Variants in B3GALT1 observed in about 807,000 individuals in gnomAD.
B3GALT1 encodes UDP-Gal:betaGlcNAc beta 1,3-galactosyltransferase, polypeptide 1.
A neutral mutation model predicts 23.2 loss-of-function variants in B3GALT1; 10 were observed. That is an observed-to-expected ratio of 0.43 (90% confidence interval 0.27 to 0.73). The LOEUF (loss-of-function observed/expected upper bound fraction) is 0.73, where lower values mean the gene tolerates loss of function less well. B3GALT1 is among the 30% of genes least tolerant of loss of function. The pLI, the probability that B3GALT1 is intolerant of heterozygous loss-of-function variation, is 0.21. For synonymous variants in B3GALT1, 156 were observed against 141.5 expected (o/e 1.10, Z -0.73); for missense variants, 299 against 405.4 (o/e 0.74, Z 2.25).
At position 167,704,025 on chromosome 2, in the gene B3GALT1, CA is replaced by C. The variant is rs540851741; in HGVS notation, c.-352+57065del. Reference sequence around the variant, plus strand: ...TGAAACCCCGTCTCTACTAAAAATACAAAAAATTAGCCGGGTGTGGTATCAG... The same window carrying C: ...TGAAACCCCGTCTCTACTAAAAATACAAAAATTAGCCGGGTGTGGTATCAG... On this transcript the variant is annotated intron_variant, in intron 3 of 4. Coordinates refer to ENST00000392690, the MANE Select transcript of B3GALT1 (RefSeq NM_020981.4). Among the ~76,000 whole-genome samples the C allele has an allele frequency of 2.3e-3, 342 of 151,802 alleles. 4 individuals are homozygous for C. In the Middle Eastern group the frequency reaches 0.024, roughly 11 times the overall value.
At chr2:167,534,360 T>C (rs1683380714) in intron 2 of B3GALT1, among the ~76,000 whole-genome samples, 1 of 152,166 alleles carries the variant, frequency 6.6e-6, no homozygotes, top group Non-Finnish European at 1.5e-5. Flanking sequence ...TTCATATCTG[T>C]TATCTAGTTC....
At chr2:167,575,950 C>A (rs1182147781) in intron 2 of B3GALT1, among the ~76,000 whole-genome samples, 1 of 151,576 alleles carries the variant, frequency 6.6e-6, no homozygotes, top group East Asian at 1.9e-4. Context: ...CACAGTTTTG[C>A]CTCTTCAACA....
intron 1 of B3GALT1, among the ~76,000 whole-genome samples, chr2:167,457,166 A>G (rs1300855822): frequency 6.6e-6 from 1 of 151,856 alleles, no homozygotes; most frequent in Non-Finnish European, 1.5e-5. Flanking sequence ...CAGTTTCATC[A>G]ACTTCTTTTT....
intron 4 of B3GALT1, among the ~76,000 whole-genome samples, chr2:167,844,590 T>A (rs1218150222): frequency 6.6e-6 from 1 of 152,174 alleles, no homozygotes; most frequent in South Asian, 2.1e-4. Context: ...CAGAAAGGCC[T>A]TGGGAGCTCG....
chr2:167,651,163 A>G (rs1685857658), intron 3 of B3GALT1, among the ~76,000 whole-genome samples: 1 of 151,800 alleles, frequency 6.6e-6, no homozygotes, highest in Non-Finnish European at 1.5e-5. Context: ...AGTCCTTCTC[A>G]TGTTGCCTTC....
chr2:167,364,338 A>ATAT lies in B3GALT1; in HGVS notation c.-511+71004_-511+71005insTAT, dbSNP rs58217518. On this transcript the variant is annotated intron_variant, in intron 1 of 4. Transcript: ENST00000392690. ...TCATACTGTTTTCATATATATATAT[A>ATAT]GTTTTTTTTTTCATTTTTTTATTAT... 8.2e-4 allele frequency among the ~76,000 whole-genome samples: 122 copies of ATAT among 149,606 alleles called. 1 individual carries two copies. Among genetic ancestry groups the ATAT allele is most frequent in the South Asian group, 2.1e-3 (10 of 4,764 alleles).
At chr2:167,564,340 G>A (rs1684104634) in intron 2 of B3GALT1, among the ~76,000 whole-genome samples, 1 of 151,276 alleles carries the variant, frequency 6.6e-6, no homozygotes, top group Non-Finnish European at 1.5e-5. Flanking sequence ...CCTCCTAGAT[G>A]GGACGGCGGC....
chr2:167,694,808 T>G (rs1234530430), intron 3 of B3GALT1, among the ~76,000 whole-genome samples: 2 of 152,160 alleles, frequency 1.3e-5, no homozygotes, highest in African/African-American at 4.8e-5. Context: ...GCAAAAAAAT[T>G]TGCAGTCTCT....
At chr2:167,619,260 C>T (rs773406392) in intron 2 of B3GALT1, among the ~76,000 whole-genome samples, 2 of 151,888 alleles carry the variant, frequency 1.3e-5, no homozygotes, top group Admixed American at 6.6e-5. Flanking sequence ...TCCCCCTGTC[C>T]CCTCCCCATT....
intron 4 of B3GALT1, among the ~76,000 whole-genome samples, chr2:167,819,034 T>C (rs1308878430): frequency 1.3e-5 from 2 of 152,184 alleles, no homozygotes; most frequent in Non-Finnish European, 2.9e-5. Flanking sequence ...CCAGGATACA[T>C]GTGTAGGACG....
At chr2:167,653,036 G>A (rs759669911) in intron 3 of B3GALT1, among the ~76,000 whole-genome samples, 15 of 152,044 alleles carry the variant, frequency 9.9e-5, no homozygotes, top group Non-Finnish European at 2.2e-4. Context: ...CACATCCTAA[G>A]GATTTGTGGA....
intron 1 of B3GALT1, among the ~76,000 whole-genome samples, chr2:167,439,919 C>T (rs1034197613): frequency 6.8e-6 from 1 of 147,504 alleles, no homozygotes; most frequent in Non-Finnish European, 1.5e-5. Context: ...AAGCAGGATA[C>T]TTCACAGCTA....
In B3GALT1 at chr2:167,870,316, A is replaced by G. The variant is rs1208152043; in HGVS notation, c.*296A>G. On this transcript the variant is annotated 3_prime_UTR_variant, in exon 5 of 5. Transcript: ENST00000392690. ...ATTGACGTACCGTGCATCTGAGATA[A>G]AAATTTGGTTCTGGGAAACTGAAAC... 4 of 253,800 alleles carry G rather than the reference A, an allele frequency of 1.6e-5. No individual in the cohort carries two copies. Among genetic ancestry groups the G allele is most frequent in the Non-Finnish European group, 2.4e-5 (3 of 124,506 alleles). 15.7% of individuals were successfully genotyped at this position (253,800 alleles called of 1,614,324 possible). A position where few individuals can be genotyped will look rare whatever the true frequency, so the allele number is the denominator to read the frequency against.
rs577932503 is a variant in B3GALT1, at chr2:167,398,096, A to T, written c.-510-92081A>T. On this transcript the variant is annotated intron_variant, in intron 1 of 4. Coordinates refer to ENST00000392690, the MANE Select transcript of B3GALT1 (RefSeq NM_020981.4). ...TGCCCCTGAATTTTAAATCCTATTC[A>T]CTGGCCTATATCTTATTATATATAA... is the stretch of plus-strand genomic sequence containing the variant. Among the ~76,000 whole-genome samples the T allele has an allele frequency of 5.3e-5, 8 of 152,270 alleles. 1 individual carries two copies. In the South Asian group the frequency reaches 1.7e-3, roughly 32 times the overall value.
At chr2:167,434,398 T>C (rs1283955392) in intron 1 of B3GALT1, among the ~76,000 whole-genome samples, 1 of 152,048 alleles carries the variant, frequency 6.6e-6, no homozygotes, top group African/African-American at 2.4e-5. Flanking sequence ...ATTGACTCAT[T>C]GCCAACTGGT....
chr2:167,485,049 A>T (rs995856439), intron 1 of B3GALT1, among the ~76,000 whole-genome samples: 37 of 152,074 alleles, frequency 2.4e-4, no homozygotes, highest in African/African-American at 8.9e-4. Context: ...CAAAGGGAAG[A>T]GAGTATAGTA....
At chr2:167,753,461 T>C (rs906521836) in intron 3 of B3GALT1, among the ~76,000 whole-genome samples, 1 of 152,130 alleles carries the variant, frequency 6.6e-6, no homozygotes, top group African/African-American at 2.4e-5. Context: ...TTGGTGATCC[T>C]CCCACTTTCC....
chr2:167,794,817 C>A (rs1200413306), intron 3 of B3GALT1, among the ~76,000 whole-genome samples: 1 of 152,150 alleles, frequency 6.6e-6, no homozygotes, highest in Non-Finnish European at 1.5e-5. Context: ...TGATCAAAGA[C>A]AAAGCGATTT....
At chr2:167,769,800 A>G (rs1328072821) in intron 3 of B3GALT1, among the ~76,000 whole-genome samples, 4 of 152,176 alleles carry the variant, frequency 2.6e-5, no homozygotes, top group African/African-American at 7.2e-5. Context: ...CAGTTTATTT[A>G]TCTATTCCTC....
Sources: gnomAD v4.1 joint callset for allele counts (sites outside exome capture counted in the v4.1 genomes callset) on GRCh38, gnomAD v4.1.1 for gene constraint, MANE v1.5 for transcripts, NCBI Gene and HGNC (gene_info 2026-07-23, HGNC 2026-07-21) for gene names.